Variants in FHOD3 observed in about 807,000 individuals in gnomAD.
FHOD3 encodes FH1/FH2 domain-containing protein 3.
FHOD3 carries 90 observed loss-of-function variants against 173.0 expected under a neutral mutation model. The observed-to-expected ratio is 0.52, with a 90% confidence interval of 0.44 to 0.62. The LOEUF (loss-of-function observed/expected upper bound fraction) is 0.62, where lower values mean the gene tolerates loss of function less well. Among genes scored for constraint, FHOD3 ranks in the 20% least tolerant of loss-of-function variants. The pLI is 0.00. For synonymous variants in FHOD3, 828 were observed against 823.0 expected, an observed-to-expected ratio of 1.01 and a Z score of -0.10; for missense variants, 1,945 against 2,034.7, an observed-to-expected ratio of 0.96 and a Z score of 0.85.
chr18:36,548,451 G>C (rs1172063747), intron 5 of FHOD3, among the ~76,000 whole-genome samples: 1 of 152,162 alleles, frequency 6.6e-6, no homozygotes, highest in Non-Finnish European at 1.5e-5. Context: ...ATAATAATCT[G>C]TACATACTTA....
chr18:36,621,762 A>G (rs1051868785), intron 9 of FHOD3, among the ~76,000 whole-genome samples: 40 of 152,368 alleles, frequency 2.6e-4, no homozygotes, highest in African/African-American at 8.9e-4. Flanking sequence ...GAATTTCCAC[A>G]GTACAAAGTT....
chr18:36,677,621 C>T (rs112823221), intron 14 of FHOD3, among the ~76,000 whole-genome samples: 113 of 152,260 alleles, frequency 7.4e-4, no homozygotes, highest in African/African-American at 2.4e-3. Context: ...CATTTGTGCA[C>T]CAAGACCACT....
intron 3 of FHOD3, among the ~76,000 whole-genome samples, chr18:36,387,216 G>A (rs2048077323): frequency 6.6e-6 from 1 of 152,062 alleles, no homozygotes; most frequent in African/African-American, 2.4e-5. Flanking sequence ...GGGAGAAGCA[G>A]CATTCTAATT....
intron 5 of FHOD3, among the ~76,000 whole-genome samples, chr18:36,558,012 G>T (rs2057955626): frequency 6.6e-6 from 1 of 152,204 alleles, no homozygotes; most frequent in African/African-American, 2.4e-5. Context: ...TTCTTGTCTG[G>T]CTGGTGGGAA....
intron 5 of FHOD3, among the ~76,000 whole-genome samples, chr18:36,560,077 C>T (rs2058034397): frequency 6.6e-6 from 1 of 152,174 alleles, no homozygotes; most frequent in African/African-American, 2.4e-5. Context: ...AGGAACCGTC[C>T]TTGGGCACCC....
At chr18:36,398,379 A>T (rs1300950857) in intron 3 of FHOD3, among the ~76,000 whole-genome samples, 3 of 152,158 alleles carry the variant, frequency 2.0e-5, no homozygotes, top group Non-Finnish European at 4.4e-5. Context: ...ACTTCCTAAG[A>T]TGCTGTCTTT....
rs16967829 is a variant in FHOD3 at position 36,416,475 on chromosome 18, C to T, written c.337+43731C>T. The stretch of plus-strand genomic sequence containing the variant: ...CTGGAGCTGTGGCCTGTGCCTCAGA[C>T]ACAGTTGCCTGAATGAGCCATGATC... On this transcript the variant is annotated intron_variant, in intron 3 of 28. Coordinates refer to ENST00000590592, the MANE Select transcript of FHOD3 (RefSeq NM_001281740.3). Among the ~76,000 whole-genome samples, 1,126 of 152,346 alleles carry T rather than the reference C, an allele frequency of 7.4e-3. 9 individuals are homozygous for T. Among genetic ancestry groups the T allele is most frequent in the African/African-American group, 0.026 (1,091 of 41,580 alleles).
At chr18:36,644,027 T>A (rs1320683551) in intron 10 of FHOD3, among the ~76,000 whole-genome samples, 1 of 152,182 alleles carries the variant, frequency 6.6e-6, no homozygotes, top group African/African-American at 2.4e-5. Flanking sequence ...GGCATTACAT[T>A]GGCTTTGTTG....
Position 36,658,190 on chromosome 18 carries a change from T to C in FHOD3, c.1835+2T>C. ...CCCACAGGAGGCCAGGTTGGAAAGG[T>C]GAGTTCGACAAGCACGCTGATAGCT... is the stretch of plus-strand genomic sequence containing the variant. On this transcript the variant is annotated splice_donor_variant, in intron 14 of 28. Coordinates refer to ENST00000590592, the MANE Select transcript of FHOD3 (RefSeq NM_001281740.3). LOFTEE classifies it high-confidence loss of function. 1 of 1,578,484 alleles carries C rather than the reference T, an allele frequency of 6.3e-7. No homozygotes were observed. The highest frequency in any genetic ancestry group is 1.2e-5 in the South Asian group (1 of 86,766).
At chr18:36,428,648 T>C (rs1767473279) in intron 3 of FHOD3, among the ~76,000 whole-genome samples, 1 of 152,186 alleles carries the variant, frequency 6.6e-6, no homozygotes, top group Non-Finnish European at 1.5e-5. Context: ...ATCCCTTCTT[T>C]TCCTAGGGCA....
rs199989606 is a variant in FHOD3, at chr18:36,612,020, T to A, written c.882T>A (p.Ile294=). 3 of 1,614,182 alleles carry A rather than the reference T, an allele frequency of 1.9e-6. No individual in the cohort carries two copies. The Admixed American group carries it at 5.0e-5, about 27-fold the overall frequency. Residue 294 remains isoleucine, a synonymous_variant, in exon 9 of 29, where the codon ATT becomes ATA. Transcript: ENST00000590592. ...DVVDCLEELG[I]AAVSQRHLNK... ...TGGACTGCCTGGAGGAGCTGGGCATTGCTGCTGTGTCCCAGAGGCACTTGA... is the reference window on the plus strand; with the variant it reads ...TGGACTGCCTGGAGGAGCTGGGCATAGCTGCTGTGTCCCAGAGGCACTTGA...
chr18:36,513,679 G>T (rs1402511127), intron 5 of FHOD3, among the ~76,000 whole-genome samples: 1 of 151,960 alleles, frequency 6.6e-6, no homozygotes, highest in African/African-American at 2.4e-5. Flanking sequence ...ATGTTCTGTG[G>T]CGTTTTCCAG....
At chr18:36,341,706 CCATA>C (rs1447873223) in intron 1 of FHOD3, among the ~76,000 whole-genome samples, 1 of 152,120 alleles carries the variant, frequency 6.6e-6, no homozygotes, top group Non-Finnish European at 1.5e-5. Flanking sequence ...ACATAATAGG[CCATA>C]CAAACACTGA....
chr18:36,728,315 T>C (rs149176290), intron 19 of FHOD3, among the ~76,000 whole-genome samples: 57 of 152,362 alleles, frequency 3.7e-4, no homozygotes, highest in African/African-American at 1.3e-3. Flanking sequence ...TTGTTGCCTG[T>C]ATTTAACATT....
chr18:36,664,777 TGAGAGA>T (rs373836211), intron 14 of FHOD3, among the ~76,000 whole-genome samples: 2,731 of 129,600 alleles, frequency 0.021, 69 homozygotes, highest in African/African-American at 0.065. Flanking sequence ...TGTGTGTATG[TGAGAGA>T]GAGAGAGAGA....
chr18:36,414,329 T>G (rs1034875659), intron 3 of FHOD3, among the ~76,000 whole-genome samples: 1 of 152,194 alleles, frequency 6.6e-6, no homozygotes, highest in African/African-American at 2.4e-5. Flanking sequence ...CTATTAAAAG[T>G]TGAGATTGAA....
At chr18:36,550,083 A>G (rs941723469) in intron 5 of FHOD3, among the ~76,000 whole-genome samples, 1 of 151,752 alleles carries the variant, frequency 6.6e-6, no homozygotes, top group Admixed American at 6.6e-5. Flanking sequence ...ATCTTTTATT[A>G]GCGAAAACTT....
intron 9 of FHOD3, among the ~76,000 whole-genome samples, chr18:36,621,888 C>T (rs546432964): frequency 6.6e-6 from 1 of 152,288 alleles, no homozygotes; most frequent in South Asian, 2.1e-4. Context: ...TATTGGTACT[C>T]CCATGTTTGT....
chr18:36,483,796 G>A (rs964363099), intron 3 of FHOD3, among the ~76,000 whole-genome samples: 2 of 152,150 alleles, frequency 1.3e-5, no homozygotes, highest in African/African-American at 2.4e-5. Context: ...TGGTTAATGA[G>A]CCCTCTGGAG....
Sources: allele counts gnomAD v4.1 joint callset (sites outside exome capture counted in the v4.1 genomes callset), GRCh38; gene constraint gnomAD v4.1.1; transcripts MANE v1.5; gene names NCBI Gene and HGNC (gene_info 2026-07-23, HGNC 2026-07-21).